Variants in DNAJC16 observed in about 807,000 individuals in gnomAD.
DNAJC16 encodes the protein dnaJ homolog subfamily C member 16.
A neutral mutation model predicts 92.7 loss-of-function variants in DNAJC16; 76 were observed. That is an observed-to-expected ratio of 0.82 (90% confidence interval 0.68 to 0.99). The LOEUF is 0.99. Among genes scored for constraint, DNAJC16 ranks in the 50% least tolerant of loss-of-function variants. The pLI is 0.00. For missense variants in DNAJC16, 869 were observed against 942.4 expected, an observed-to-expected ratio of 0.92 and a Z score of 1.02; for synonymous variants, 328 against 358.7, an observed-to-expected ratio of 0.91 and a Z score of 0.97.
Position 15,569,362 on chromosome 1 carries a change from A to C in DNAJC16, c.*1185A>C, listed in dbSNP as rs1638894153. Reference sequence around the variant, plus strand: ...TTGATGTCTCATCTTCATTGTTTTCACTCTTAACTTAGAGCTGCTTCACCA... The same window carrying C: ...TTGATGTCTCATCTTCATTGTTTTCCCTCTTAACTTAGAGCTGCTTCACCA... On this transcript the variant is annotated 3_prime_UTR_variant, in exon 15 of 15. Transcript: ENST00000375847. 1 of 151,740 alleles carries C rather than the reference A, an allele frequency of 6.6e-6. No individual in the cohort carries two copies. Among genetic ancestry groups the C allele is most frequent in the African/African-American group, 2.4e-5 (1 of 41,282 alleles). 9.4% of individuals were successfully genotyped at this position (151,740 alleles called of 1,614,324 possible).
rs751287620 is a variant in DNAJC16 at position 15,567,312 on chromosome 1, G to C, written c.1949+43G>C. On this transcript the variant is annotated intron_variant, in intron 14 of 14. Coordinates refer to ENST00000375847, the MANE Select transcript of DNAJC16 (RefSeq NM_015291.4). Reference sequence around the variant, plus strand: ...TGCATGTATGTATGTGTGTGAGAGAGAGAGAGGCAGGCACACTGAAATTGC... The same window carrying C: ...TGCATGTATGTATGTGTGTGAGAGACAGAGAGGCAGGCACACTGAAATTGC... The C allele has an allele frequency of 6.4e-6, 10 of 1,573,876 alleles. No homozygotes were observed. In the Admixed American group the frequency reaches 6.7e-5, roughly 11 times the overall value.
At chr1:15,552,736 C>T (rs1335179443) in intron 7 of DNAJC16, among the ~76,000 whole-genome samples, 1 of 150,170 alleles carries the variant, frequency 6.7e-6, no homozygotes, top group African/African-American at 2.4e-5. Context: ...TATGATATGC[C>T]TACCTGTTAT....
intron 7 of DNAJC16, among the ~76,000 whole-genome samples, chr1:15,552,726 TATG>T (rs1638474133): frequency 6.6e-6 from 1 of 151,606 alleles, no homozygotes; most frequent in South Asian, 2.1e-4. Flanking sequence ...ATGCCCTCAT[TATG>T]ATATGCCTAC....
intron 6 of DNAJC16, among the ~76,000 whole-genome samples, chr1:15,547,484 C>G (rs1638338683): frequency 1.3e-5 from 2 of 150,590 alleles, no homozygotes; most frequent in African/African-American, 4.9e-5. Context: ...ACTCTGTTGC[C>G]CATGCTGGAG....
intron 8 of DNAJC16, among the ~76,000 whole-genome samples, chr1:15,561,882 A>T (rs1638700171): frequency 6.6e-6 from 1 of 151,960 alleles, no homozygotes; most frequent in Non-Finnish European, 1.5e-5. Flanking sequence ...CATATATATA[A>T]AATTTCATAT....
intron 2 of DNAJC16, among the ~76,000 whole-genome samples, chr1:15,530,777 T>C (rs922811488): frequency 1.3e-5 from 2 of 152,248 alleles, no homozygotes; most frequent in Non-Finnish European, 2.9e-5. Context: ...AACCTCCGCT[T>C]CCTGGGTTCA....
At chr1:15,562,473 C>A in intron 9 of DNAJC16, 148 bp downstream of exon 9, 3 of 925,460 alleles carry the variant, frequency 3.2e-6, no homozygotes, top group Middle Eastern at 3.3e-4. Context: ...TTTTGTTTTT[C>A]CTTTTTCTTG....
rs746250260 is a variant in DNAJC16 at position 15,567,903 on chromosome 1, G to A, written c.2075G>A (p.Arg692His). Residue 692 changes from arginine (R) to histidine (H), a missense_variant, in exon 15 of 15, where the codon CGT becomes CAT. Arg to His is a conservative substitution (Grantham distance 29). Coordinates refer to ENST00000375847, the MANE Select transcript of DNAJC16 (RefSeq NM_015291.4). ...PNQYDKHFME[R>H]DYTGYVLALN... ...CAATATGATAAGCATTTCATGGAGC[G>A]TGACTACACTGGTTATGTACTGGCT... The A allele has an allele frequency of 2.1e-5, 34 of 1,614,062 alleles. No individual in the cohort carries two copies. Among genetic ancestry groups the A allele is most frequent in the Non-Finnish European group, 2.8e-5 (33 of 1,180,052 alleles).
chr1:15,535,311 A>C, intron 3 of DNAJC16, among the ~76,000 whole-genome samples: 1 of 152,348 alleles, frequency 6.6e-6, no homozygotes, highest in South Asian at 2.1e-4. Flanking sequence ...GTTTTGCTGA[A>C]GTGTTTAATG....
chr1:15,562,378 TG>T (rs1638711519), intron 9 of DNAJC16, 53 bp downstream of exon 9: 1 of 1,497,386 alleles, frequency 6.7e-7, no homozygotes, highest in African/African-American at 1.4e-5. Flanking sequence ...ATGTGGCACT[TG>T]ATTCTGTTTC....
intron 14 of DNAJC16, 23 bp from the exon 15 acceptor site, chr1:15,567,754 TC>T (rs1557590817): frequency 6.3e-7 from 1 of 1,596,000 alleles, no homozygotes. Context: ...ATGCCCTGAG[TC>T]CTCAATTCTC....
chr1:15,563,978 C>T lies in DNAJC16; in HGVS notation c.1388C>T (p.Thr463Ile). 1.2e-6 allele frequency: 2 copies of T among 1,614,130 alleles called. No individual in the cohort carries two copies. Among genetic ancestry groups the T allele is most frequent in the Non-Finnish European group, 1.7e-6 (2 of 1,180,008 alleles). ...RNTAGRVVYK[T>I]LEDPWIGSES... is the part of the protein sequence containing the mutation. The stretch of plus-strand genomic sequence containing the variant: ...ACAGCAGGAAGGGTGGTGTATAAAA[C>T]CCTGGAAGACCCTTGGATTGGGAGT... The change falls in exon 10 of 15, where the codon ACC becomes ATC. Residue 463 changes from threonine to isoleucine, a missense_variant. By Grantham distance (89) the Thr-to-Ile change is moderately conservative. Coordinates refer to ENST00000375847, the MANE Select transcript of DNAJC16 (RefSeq NM_015291.4).
At chr1:15,558,786 C>T (rs1008249835) in intron 7 of DNAJC16, among the ~76,000 whole-genome samples, 6 of 152,166 alleles carry the variant, frequency 3.9e-5, no homozygotes, top group South Asian at 2.1e-4. Flanking sequence ...AATGGTCACA[C>T]GGTTTTGTAA....
At position 15,533,780 on chromosome 1, in the gene DNAJC16, A is replaced by G. The variant is rs1230163357; in HGVS notation, c.168-457A>G. Among the ~76,000 whole-genome samples the G allele has an allele frequency of 5.3e-5, 8 of 152,260 alleles. No individual in the cohort carries two copies. In the South Asian group the frequency reaches 1.7e-3, roughly 32 times the overall value. ...TTACTAAATGAATTTAGTCTATCCT[A>G]AAAGCTATTTCTCATGTCTACCTGT... is the stretch of plus-strand genomic sequence containing the variant. On this transcript the variant is annotated intron_variant, in intron 2 of 14. Transcript: ENST00000375847.
chr1:15,536,896 G>C (rs1002095989), intron 4 of DNAJC16, 82 bp downstream of exon 4: 39 of 1,271,122 alleles, frequency 3.1e-5, no homozygotes, highest in Non-Finnish European at 4.0e-5. Flanking sequence ...TGTTGCCCAG[G>C]CTGGAGTACA....
intron 7 of DNAJC16, among the ~76,000 whole-genome samples, chr1:15,549,500 CAT>C (rs1638391321): frequency 6.6e-6 from 1 of 152,154 alleles, no homozygotes; most frequent in Non-Finnish European, 1.5e-5. Flanking sequence ...AGGTCCAAAA[CAT>C]AGGTGACTAC....
At position 15,567,198 on chromosome 1, in the gene DNAJC16, C is replaced by T; in HGVS notation, c.1878C>T (p.Val626=). The T allele has an allele frequency of 6.2e-6, 10 of 1,614,148 alleles. No individual in the cohort carries two copies. The highest frequency in any genetic ancestry group is 8.5e-6 in the Non-Finnish European group (10 of 1,180,004). The change falls in exon 14 of 15, where the codon GTC becomes GTT. Residue 626 remains valine (V), a synonymous_variant. Coordinates refer to ENST00000375847, the MANE Select transcript of DNAJC16 (RefSeq NM_015291.4). The stretch of plus-strand genomic sequence containing the variant: ...TGAGGCCAGGCCACATGAATGTGGT[C>T]CTCATCCTGTCGAATTCTACCAAGA... ...VRLRPGHMNV[V]LILSNSTKTS... is the part of the protein sequence containing the mutation.
At chr1:15,558,250 A>T (rs1035523285) in intron 7 of DNAJC16, among the ~76,000 whole-genome samples, 1 of 134,824 alleles carries the variant, frequency 7.4e-6, no homozygotes, top group Non-Finnish European at 1.5e-5. Context: ...GTGTGATCCT[A>T]GCTCACTGCA....
intron 7 of DNAJC16, among the ~76,000 whole-genome samples, chr1:15,550,570 A>AT (rs1638422009): frequency 6.6e-6 from 1 of 152,192 alleles, no homozygotes; most frequent in Non-Finnish European, 1.5e-5. Context: ...ATAGTGTTGC[A>AT]ATGAATATCA....
Sources: allele counts gnomAD v4.1 joint callset (sites outside exome capture counted in the v4.1 genomes callset), GRCh38; gene constraint gnomAD v4.1.1; transcripts MANE v1.5; gene names NCBI Gene and HGNC (gene_info 2026-07-23, HGNC 2026-07-21).